Variants in TPD52 observed in about 807,000 individuals in gnomAD.
The protein encoded by TPD52 is tumor protein D52.
In TPD52, 17 loss-of-function variants were observed where a neutral mutation model predicts 31.3. The observed-to-expected ratio is 0.54, with a 90% CI of 0.37 to 0.82. The LOEUF is 0.82. TPD52 is among the 40% of genes least tolerant of loss of function. The pLI is 0.00. For missense variants in TPD52, 212 were observed against 240.1 expected (o/e 0.88, Z 0.77); for synonymous variants, 83 against 89.6 (o/e 0.93, Z 0.42).
chr8:80,045,355 C>A (rs1471971877), intron 5 of TPD52, among the ~76,000 whole-genome samples: 1 of 152,212 alleles, frequency 6.6e-6, no homozygotes. Context: ...CACAAACCAC[C>A]TTCTACCATA....
At chr8:80,073,096 G>A (rs1183417735) in intron 1 of TPD52, among the ~76,000 whole-genome samples, 4 of 151,756 alleles carry the variant, frequency 2.6e-5, no homozygotes, top group East Asian at 3.9e-4. Flanking sequence ...GAGCGAGAGC[G>A]AGAAAGAAAG....
chr8:80,073,292 G>A (rs1344252194), intron 1 of TPD52, among the ~76,000 whole-genome samples: 16 of 152,042 alleles, frequency 1.1e-4, no homozygotes, highest in Admixed American at 9.2e-4. Flanking sequence ...TCACAATGTT[G>A]TACAGCCATC....
chr8:80,079,545 G>A (rs1216695405), intron 1 of TPD52, among the ~76,000 whole-genome samples: 2 of 152,058 alleles, frequency 1.3e-5, no homozygotes, highest in Non-Finnish European at 2.9e-5. Context: ...AACAAAATGT[G>A]ACCTGTTCTT....
At chr8:80,148,496 T>C (rs1014139760) in intron 1 of TPD52, among the ~76,000 whole-genome samples, 19 of 152,174 alleles carry the variant, frequency 1.2e-4, no homozygotes, top group Non-Finnish European at 4.4e-5. Flanking sequence ...TTGGTGGATT[T>C]GATGTCAACA....
chr8:80,082,816 A>G (rs1203723495), intron 1 of TPD52, among the ~76,000 whole-genome samples: 1 of 152,246 alleles, frequency 6.6e-6, no homozygotes, highest in Non-Finnish European at 1.5e-5. Context: ...TGGAATTAAA[A>G]AAGCAAATGA....
intron 1 of TPD52, among the ~76,000 whole-genome samples, chr8:80,116,209 T>A (rs1310756379): frequency 6.6e-6 from 1 of 152,194 alleles, no homozygotes; most frequent in African/African-American, 2.4e-5. Flanking sequence ...ATAAATAGGT[T>A]AGTTATGGAA....
At chr8:80,137,142 C>T (rs1809489315) in intron 1 of TPD52, among the ~76,000 whole-genome samples, 1 of 152,118 alleles carries the variant, frequency 6.6e-6, no homozygotes, top group African/African-American at 2.4e-5. Flanking sequence ...CCACAGGTTG[C>T]TATTAAAAAG....
intron 1 of TPD52, among the ~76,000 whole-genome samples, chr8:80,101,109 A>G (rs886368544): frequency 5.9e-5 from 9 of 152,228 alleles, no homozygotes; most frequent in Non-Finnish European, 1.5e-5. Context: ...AAAGAGAAGA[A>G]AAGATGTATG....
chr8:80,058,066 G>A (rs1812095112), intron 2 of TPD52, among the ~76,000 whole-genome samples: 1 of 152,022 alleles, frequency 6.6e-6, no homozygotes, highest in Admixed American at 6.6e-5. Flanking sequence ...ATAGACATTA[G>A]GTGCTATTAC....
chr8:80,064,611 C>G lies in TPD52; in HGVS notation c.20-18G>C, dbSNP rs746751892. 1 of 1,603,026 alleles carries G rather than the reference C, an allele frequency of 6.2e-7. No homozygotes were observed. Among genetic ancestry groups the G allele is most frequent in the East Asian group, 2.2e-5 (1 of 44,816 alleles). On this transcript the variant is annotated intron_variant, in intron 1 of 7. Coordinates refer to ENST00000518937, the MANE Select transcript of TPD52 (RefSeq NM_001025253.3). ...CAGCAGACCTGGTTGGGGATTTAAACCATTTTTTAAAGTGCAAAATCTAAG... is the reference window on the plus strand; with the variant it reads ...CAGCAGACCTGGTTGGGGATTTAAAGCATTTTTTAAAGTGCAAAATCTAAG...
At chr8:80,050,388 C>G (rs1242511792) in intron 5 of TPD52, 57 bp downstream of exon 5, 1 of 1,538,502 alleles carries the variant, frequency 6.5e-7, no homozygotes. Flanking sequence ...AATCTAATCT[C>G]AGCACACTTT....
At chr8:80,164,058 G>GCCAA (rs1811551817) in intron 1 of TPD52, among the ~76,000 whole-genome samples, 1 of 140,974 alleles carries the variant, frequency 7.1e-6, no homozygotes, top group Non-Finnish European at 1.5e-5. Flanking sequence ...GAGAGAGACA[G>GCCAA]ACAGACAGAA....
intron 1 of TPD52, among the ~76,000 whole-genome samples, chr8:80,089,015 C>A (rs1816046146): frequency 1.3e-5 from 2 of 152,184 alleles, no homozygotes. Flanking sequence ...AACCAGGAAG[C>A]AAGCCCATGC....
chr8:80,070,447 T>C (rs1586218389), intron 1 of TPD52, among the ~76,000 whole-genome samples: 1 of 152,112 alleles, frequency 6.6e-6, no homozygotes, highest in South Asian at 2.1e-4. Flanking sequence ...CGGTTGGGGG[T>C]TGATGATTTT....
At chr8:80,112,905 T>C (rs1290756176) in intron 1 of TPD52, among the ~76,000 whole-genome samples, 1 of 152,198 alleles carries the variant, frequency 6.6e-6, no homozygotes, top group East Asian at 1.9e-4. Context: ...CCTAATGAGA[T>C]ATATTGGGGA....
chr8:80,118,019 A>G (rs1206344782), intron 1 of TPD52, among the ~76,000 whole-genome samples: 1 of 152,148 alleles, frequency 6.6e-6, no homozygotes, highest in Non-Finnish European at 1.5e-5. Flanking sequence ...GGTGTGAGCC[A>G]CCGCACCCAA....
rs555958890 is a variant in TPD52, at chr8:80,121,741, G to A, written c.19+49684C>T. On this transcript the variant is annotated intron_variant, in intron 1 of 7. Transcript: ENST00000518937. ...GGCCTAACCAAGTGGCCTTCACGACGCAAAACCTGCATCGGATGGTCCTCT... is the reference window on the plus strand; with the variant it reads ...GGCCTAACCAAGTGGCCTTCACGACACAAAACCTGCATCGGATGGTCCTCT... 1.1e-4 allele frequency among the ~76,000 whole-genome samples: 16 copies of A among 152,264 alleles called. No homozygotes were observed. The East Asian group carries it at 1.9e-3, about 18-fold the overall frequency.
intron 1 of TPD52, among the ~76,000 whole-genome samples, chr8:80,143,999 C>G (rs1442490999): frequency 6.6e-6 from 1 of 152,090 alleles, no homozygotes; most frequent in Non-Finnish European, 1.5e-5. Flanking sequence ...GTAAAATACT[C>G]TAAAATTTAA....
At position 80,038,294 on chromosome 8, in the gene TPD52, G is replaced by A; in HGVS notation, c.505-59C>T. On this transcript the variant is annotated intron_variant, in intron 7 of 7. Transcript: ENST00000518937. The stretch of plus-strand genomic sequence containing the variant: ...ATGAAACATAAAACTAGCTGATTCT[G>A]CATAAAGTAACTCTAATTCACTTTC... 1.6e-5 allele frequency: 25 copies of A among 1,572,336 alleles called. No individual in the cohort carries two copies. The South Asian group carries it at 2.1e-4, about 13-fold the overall frequency.
Sources: gnomAD v4.1 joint callset for allele counts (sites outside exome capture counted in the v4.1 genomes callset) on GRCh38, gnomAD v4.1.1 for gene constraint, MANE v1.5 for transcripts, NCBI Gene and HGNC (gene_info 2026-07-23, HGNC 2026-07-21) for gene names.